Variants in ADGRL3 observed in about 807,000 individuals in gnomAD.
ADGRL3 encodes the protein adhesion G protein-coupled receptor L3, also known as calcium-independent alpha-latrotoxin receptor 3.
ADGRL3 carries 62 observed loss-of-function variants against 153.5 expected under a neutral mutation model. That is an observed-to-expected ratio of 0.40 (90% CI 0.33 to 0.50). The LOEUF (loss-of-function observed/expected upper bound fraction) is 0.50. Among genes scored for constraint, ADGRL3 ranks in the 20% least tolerant of loss-of-function variants. The probability of loss-of-function intolerance (pLI) is 0.47; values close to 1 mark genes in which losing one functional copy is unlikely to be tolerated. For missense variants in ADGRL3, 1,641 were observed against 1,859.4 expected, an observed-to-expected ratio of 0.88 and a Z score of 2.16; for synonymous variants, 710 against 672.5, an observed-to-expected ratio of 1.06 and a Z score of -0.86.
intron 21 of ADGRL3, among the ~76,000 whole-genome samples, chr4:62,004,607 A>G (rs1050933086): frequency 6.6e-6 from 1 of 151,984 alleles, no homozygotes; most frequent in Non-Finnish European, 1.5e-5. Flanking sequence ...TAAAATCAAG[A>G]TTTTACAGAT....
chr4:61,557,436 G>T (rs1381887956), intron 4 of ADGRL3, among the ~76,000 whole-genome samples: 1 of 152,052 alleles, frequency 6.6e-6, no homozygotes, highest in Non-Finnish European at 1.5e-5. Flanking sequence ...GGAATTGCTG[G>T]AATCCATAGA....
chr4:61,514,907 G>T (rs1240749794), intron 3 of ADGRL3, among the ~76,000 whole-genome samples: 2 of 151,846 alleles, frequency 1.3e-5, no homozygotes, highest in Non-Finnish European at 2.9e-5. Flanking sequence ...ATACTGTTTA[G>T]CTGATGCTTG....
Position 62,074,111 on chromosome 4 carries a change from C to A in ADGRL3, c.*3203C>A, listed in dbSNP as rs554675182. 5 of 151,630 alleles carry A rather than the reference C, an allele frequency of 3.3e-5. No individual in the cohort carries two copies. Among genetic ancestry groups the A allele is most frequent in the South Asian group, 4.2e-4 (2 of 4,768 alleles). The allele number at this position is 151,630 out of a possible 1,614,324, so 9.4% of individuals were successfully genotyped here. ...TTTTAATTGTTCTTTTTTCTACCAC[C>A]TTTTGTGACTCAATTTTTTAAGATC... On this transcript the variant is annotated 3_prime_UTR_variant, in exon 27 of 27. Coordinates refer to ENST00000683033, the MANE Select transcript of ADGRL3 (RefSeq NM_001387552.1).
chr4:61,621,114 A>G (rs2092480123), intron 5 of ADGRL3, among the ~76,000 whole-genome samples: 1 of 152,176 alleles, frequency 6.6e-6, no homozygotes, highest in Non-Finnish European at 1.5e-5. Flanking sequence ...GAACAAGTAC[A>G]TGTTGATAAT....
intron 5 of ADGRL3, among the ~76,000 whole-genome samples, chr4:61,663,817 G>C (rs2094692295): frequency 6.6e-6 from 1 of 152,038 alleles, no homozygotes; most frequent in African/African-American, 2.4e-5. Flanking sequence ...CATTGTTTAG[G>C]ATTGAGTATT....
chr4:61,590,140 T>C (rs10866124), intron 5 of ADGRL3, among the ~76,000 whole-genome samples: 90,519 of 151,870 alleles, frequency 0.6, 28,648 homozygotes, highest in African/African-American at 0.81. Flanking sequence ...TCACCTACAT[T>C]TCTCTTTAAT....
At position 61,950,592 on chromosome 4, in the gene ADGRL3, G is replaced by A. The variant is rs114648471; in HGVS notation, c.2805+2316G>A. Among the ~76,000 whole-genome samples, 439 of 152,258 alleles carry A rather than the reference G, an allele frequency of 2.9e-3. 3 individuals are homozygous for A. The highest frequency in any genetic ancestry group is 9.2e-3 in the African/African-American group (384 of 41,540). On this transcript the variant is annotated intron_variant, in intron 17 of 26. Transcript: ENST00000683033. ...ATATCTAAATTTAAGATTTGATTGG[G>A]GAAACAAGAATTGCAGTTCAGGGTA...
At chr4:61,988,144 C>G (rs1019051385) in intron 19 of ADGRL3, among the ~76,000 whole-genome samples, 2 of 152,000 alleles carry the variant, frequency 1.3e-5, no homozygotes, top group East Asian at 1.9e-4. Context: ...CACATACACA[C>G]AAAGCATACA....
chr4:61,843,568 A>T (rs2098066792), intron 9 of ADGRL3, among the ~76,000 whole-genome samples: 1 of 152,222 alleles, frequency 6.6e-6, no homozygotes, highest in South Asian at 2.1e-4. Flanking sequence ...AGAGCATGAT[A>T]AAAAGATGGC....
intron 21 of ADGRL3, among the ~76,000 whole-genome samples, chr4:61,999,487 A>G (rs1047300168): frequency 6.6e-5 from 10 of 152,310 alleles, no homozygotes; most frequent in Middle Eastern, 3.4e-3. Flanking sequence ...TTAAGATATG[A>G]TATATTAAAT....
intron 2 of ADGRL3, among the ~76,000 whole-genome samples, 181 bp from the exon 3 acceptor site, chr4:61,496,940 T>TA (rs5858706): frequency 3.5e-4 from 50 of 144,878 alleles, no homozygotes; most frequent in African/African-American, 1.2e-3. Flanking sequence ...GACTCCATCT[T>TA]AAAAAAAAAA....
chr4:61,423,307 A>C (rs2097232199), intron 2 of ADGRL3, among the ~76,000 whole-genome samples: 1 of 152,252 alleles, frequency 6.6e-6, no homozygotes, highest in Non-Finnish European at 1.5e-5. Flanking sequence ...AGATTTGGAT[A>C]CATAGAGAAG....
At chr4:61,280,334 C>T (rs1263482478) in intron 1 of ADGRL3, among the ~76,000 whole-genome samples, 1 of 151,882 alleles carries the variant, frequency 6.6e-6, no homozygotes, top group African/African-American at 2.4e-5. Flanking sequence ...GTCTCGATCT[C>T]CTGACCTCAT....
chr4:61,224,111 G>A (rs1417367933), intron 1 of ADGRL3, among the ~76,000 whole-genome samples: 4 of 151,880 alleles, frequency 2.6e-5, no homozygotes. Flanking sequence ...TAATCTTCGT[G>A]TATACTGTGT....
intron 2 of ADGRL3, among the ~76,000 whole-genome samples, chr4:61,492,786 A>G (rs1476386005): frequency 1.3e-5 from 2 of 152,080 alleles, no homozygotes; most frequent in African/African-American, 4.8e-5. Context: ...ATGAGGGAAG[A>G]CTTTAGTTAT....
In ADGRL3 at chr4:61,657,202, A is replaced by G. The variant is rs138586398; in HGVS notation, c.474-19624A>G. On this transcript the variant is annotated intron_variant, in intron 5 of 26. Coordinates refer to ENST00000683033, the MANE Select transcript of ADGRL3 (RefSeq NM_001387552.1). Reference sequence around the variant, plus strand: ...ATAACTTGCTTCCAACTGAGAATCCATAAGAGTGACTTTCCCTTAAGCTGA... The same window carrying G: ...ATAACTTGCTTCCAACTGAGAATCCGTAAGAGTGACTTTCCCTTAAGCTGA... 1.8e-4 allele frequency among the ~76,000 whole-genome samples: 28 copies of G among 152,202 alleles called. No individual in the cohort carries two copies. The East Asian group carries it at 4.4e-3, about 24-fold the overall frequency.
intron 13 of ADGRL3, among the ~76,000 whole-genome samples, chr4:61,918,455 T>G (rs1274560268): frequency 6.6e-6 from 1 of 152,144 alleles, no homozygotes; most frequent in Non-Finnish European, 1.5e-5. Flanking sequence ...TAGAGTGGCA[T>G]TTGAAATCAA....
intron 9 of ADGRL3, among the ~76,000 whole-genome samples, chr4:61,823,390 T>C (rs967307563): frequency 1.3e-5 from 2 of 152,230 alleles, no homozygotes; most frequent in African/African-American, 4.8e-5. Context: ...TGATCTAATA[T>C]AATTCATATG....
intron 2 of ADGRL3, among the ~76,000 whole-genome samples, chr4:61,434,264 A>G (rs532592458): frequency 2.0e-5 from 3 of 152,214 alleles, no homozygotes; most frequent in Non-Finnish European, 4.4e-5. Flanking sequence ...GAGGTCTGCA[A>G]TGGTCATGGT....
Sources: gnomAD v4.1 joint callset for allele counts (sites outside exome capture counted in the v4.1 genomes callset) on GRCh38, gnomAD v4.1.1 for gene constraint, MANE v1.5 for transcripts, NCBI Gene and HGNC (gene_info 2026-07-23, HGNC 2026-07-21) for gene names.